E2F3: variants seen among roughly 807,000 people sequenced by gnomAD.
The protein encoded by E2F3 is transcription factor E2F3.
Under a neutral mutation model 44.4 loss-of-function variants are expected in E2F3, and 11 were observed. That is an observed-to-expected ratio of 0.25 (90% CI 0.16 to 0.41). E2F3 has a LOEUF of 0.41. Ranked by LOEUF, E2F3 falls within the 10% of genes least tolerant of loss-of-function variation. The probability of loss-of-function intolerance (pLI) is 1.00; values close to 1 mark genes in which losing one functional copy is unlikely to be tolerated. For missense variants in E2F3, 487 were observed against 583.6 expected, an observed-to-expected ratio of 0.83 and a Z score of 1.70; for synonymous variants, 249 against 253.0, an observed-to-expected ratio of 0.98 and a Z score of 0.15.
chr6:20,485,453 G>T (rs1393701876), intron 4 of E2F3, among the ~76,000 whole-genome samples: 1 of 152,112 alleles, frequency 6.6e-6, no homozygotes, highest in Non-Finnish European at 1.5e-5. Context: ...GGTGGTGCAC[G>T]CCTGTAGTCC....
chr6:20,469,547 G>A (rs1761823270), intron 1 of E2F3, among the ~76,000 whole-genome samples: 1 of 152,338 alleles, frequency 6.6e-6, no homozygotes, highest in South Asian at 2.1e-4. Flanking sequence ...GCAGTCACCA[G>A]TTCATAGGTT....
At chr6:20,482,335 T>C (rs1447439992) in intron 3 of E2F3, among the ~76,000 whole-genome samples, 1 of 125,748 alleles carries the variant, frequency 8.0e-6, no homozygotes, top group African/African-American at 2.9e-5. Context: ...GGATGGGTTG[T>C]TTTTTTGTTT....
intron 1 of E2F3, among the ~76,000 whole-genome samples, chr6:20,475,191 G>A (rs1762006681): frequency 6.6e-6 from 1 of 152,230 alleles, no homozygotes; most frequent in Non-Finnish European, 1.5e-5. Context: ...AATTTTAGTA[G>A]CTTGTCCATC....
intron 1 of E2F3, among the ~76,000 whole-genome samples, chr6:20,403,401 T>C (rs973889024): frequency 6.6e-6 from 1 of 151,610 alleles, no homozygotes; most frequent in African/African-American, 2.4e-5. Flanking sequence ...TTGACCCGCC[T>C]CTCCCCTTGC....
chr6:20,403,988 C>T (rs1759404015), intron 1 of E2F3, among the ~76,000 whole-genome samples: 1 of 152,138 alleles, frequency 6.6e-6, no homozygotes, highest in Non-Finnish European at 1.5e-5. Flanking sequence ...AAAAATCTAA[C>T]TAAGTAAATG....
intron 1 of E2F3, among the ~76,000 whole-genome samples, chr6:20,421,339 T>A (rs1760021353): frequency 6.6e-6 from 1 of 152,214 alleles, no homozygotes; most frequent in African/African-American, 2.4e-5. Flanking sequence ...TTTATCCAGA[T>A]CCTTTGGAGG....
chr6:20,435,328 G>A (rs1760538605), intron 1 of E2F3, among the ~76,000 whole-genome samples: 1 of 152,196 alleles, frequency 6.6e-6, no homozygotes, highest in African/African-American at 2.4e-5. Flanking sequence ...GAATATATGG[G>A]AGAATGACGT....
intron 1 of E2F3, among the ~76,000 whole-genome samples, chr6:20,423,502 C>A (rs1022500364): frequency 2.6e-5 from 4 of 152,208 alleles, no homozygotes; most frequent in Admixed American, 2.0e-4. Context: ...CCAAGTCTTG[C>A]TCTTGTCGCC....
At chr6:20,443,283 A>C (rs1384410844) in intron 1 of E2F3, among the ~76,000 whole-genome samples, 2 of 152,070 alleles carry the variant, frequency 1.3e-5, no homozygotes, top group Non-Finnish European at 2.9e-5. Context: ...GTGATTCTGC[A>C]TTCCAACATC....
chr6:20,441,960 C>T (rs142430775), intron 1 of E2F3, among the ~76,000 whole-genome samples: 8 of 151,864 alleles, frequency 5.3e-5, no homozygotes, highest in East Asian at 1.9e-4. Context: ...GGGATTGACG[C>T]GGATCCTTTC....
intron 1 of E2F3, among the ~76,000 whole-genome samples, chr6:20,470,676 C>G (rs185214120): frequency 1.6e-3 from 248 of 152,328 alleles, no homozygotes; most frequent in Non-Finnish European, 2.3e-3. Context: ...TATCATCTAT[C>G]AAGTTCTATC....
intron 1 of E2F3, among the ~76,000 whole-genome samples, chr6:20,437,670 T>G (rs767805999): frequency 3.7e-4 from 57 of 152,304 alleles, no homozygotes; most frequent in Non-Finnish European, 6.3e-4. Context: ...TAGAGAAGTT[T>G]GTAATATCCA....
At chr6:20,422,290 T>C (rs912114988) in intron 1 of E2F3, among the ~76,000 whole-genome samples, 1 of 152,226 alleles carries the variant, frequency 6.6e-6, no homozygotes. Context: ...CTGTCAGCCG[T>C]CAAAAGAGCT....
intron 1 of E2F3, chr6:20,452,331 T>C (rs1388481359): frequency 6.6e-6 from 1 of 152,212 alleles, no homozygotes; most frequent in South Asian, 2.1e-4. Context: ...GATTTTATAG[T>C]TCCTGTCGCT....
intron 1 of E2F3, among the ~76,000 whole-genome samples, chr6:20,434,556 A>G (rs1361870625): frequency 1.3e-5 from 2 of 152,210 alleles, no homozygotes; most frequent in Non-Finnish European, 2.9e-5. Flanking sequence ...CTCTAAATGT[A>G]TCAGTGGATT....
chr6:20,480,832 G>A lies in E2F3; in HGVS notation c.506-374G>A, dbSNP rs1047023750. On this transcript the variant is annotated intron_variant, in intron 2 of 6. Transcript: ENST00000346618. ...AGACTCATAGCCTGGCTCCATCACC[G>A]TAGGCCTCGTGTGTGCTGGTCCCCT... 1.2e-4 allele frequency among the ~76,000 whole-genome samples: 19 copies of A among 152,140 alleles called. 1 individual carries two copies. The highest frequency in any genetic ancestry group is 1.0e-3 in the Admixed American group (16 of 15,278).
Position 20,402,721 on chromosome 6 carries a change from A to C in E2F3, c.393+96A>C. The stretch of plus-strand genomic sequence containing the variant: ...GCGCTGCGGGCCGCTCGGGGAGAGC[A>C]CTGGGCCGAGCATCGTGGGCCTCGG... On this transcript the variant is annotated intron_variant, in intron 1 of 6. Coordinates refer to ENST00000346618, the MANE Select transcript of E2F3 (RefSeq NM_001949.5). This position sits in a 1 kb window ranked among gnomAD's most constrained non-coding sequence, Gnocchi z 5.6. The C allele has an allele frequency of 7.9e-7, 1 of 1,261,778 alleles. No individual in the cohort carries two copies. Among genetic ancestry groups the C allele is most frequent in the Non-Finnish European group, 9.9e-7 (1 of 1,006,264 alleles). The allele number at this position is 1,261,778 out of a possible 1,614,324, so 78.2% of individuals were successfully genotyped here.
chr6:20,424,215 G>A lies in E2F3; in HGVS notation c.393+21590G>A, dbSNP rs966402595. ...ATCTTTAACCTCAGTGGAAGGGTGT[G>A]TGTGTGTGTGTGTGTGTGTGTGTGT... On this transcript the variant is annotated intron_variant, in intron 1 of 6. Transcript: ENST00000346618. 4.5e-3 allele frequency among the ~76,000 whole-genome samples: 611 copies of A among 135,478 alleles called. 7 individuals carry two copies. The highest frequency in any genetic ancestry group is 0.017 in the African/African-American group (555 of 32,080). The allele number at this position is 135,478 out of a possible 152,430, so 88.9% of individuals were successfully genotyped here. A position where few individuals can be genotyped will look rare whatever the true frequency, so the allele number is the denominator to read the frequency against.
Position 20,423,478 on chromosome 6 carries a change from CT to C in E2F3, c.393+20862del, listed in dbSNP as rs903469172. Among the ~76,000 whole-genome samples, 6 of 151,476 alleles carry C rather than the reference CT, an allele frequency of 4.0e-5. 1 individual carries two copies. The highest frequency in any genetic ancestry group is 1.9e-4 in the East Asian group (1 of 5,184). On this transcript the variant is annotated intron_variant, in intron 1 of 6. Transcript: ENST00000346618. ...GATGACTACATGTGACATTACAGTG[CT>C]TTTTTTTTGAGACCAAGTCTTGCTC...
Sources: allele counts gnomAD v4.1 joint callset (sites outside exome capture counted in the v4.1 genomes callset), GRCh38; gene constraint gnomAD v4.1.1; non-coding constraint Gnocchi (gnomAD v3.1); transcripts MANE v1.5; gene names NCBI Gene and HGNC (gene_info 2026-07-23, HGNC 2026-07-21).